The following CACNB4 variants were observed in gnomAD, a reference collection of about 807,000 sequenced individuals.
CACNB4 encodes voltage-dependent L-type calcium channel subunit beta-4.
In CACNB4, 32 loss-of-function variants were observed where a neutral mutation model predicts 71.2. That is an observed-to-expected ratio of 0.45 (90% CI 0.34 to 0.60). The LOEUF is 0.60. CACNB4 is among the 20% of genes least tolerant of loss of function. CACNB4 has a pLI of 0.01. For synonymous variants in CACNB4, 231 were observed against 236.9 expected (o/e 0.97, Z 0.23); for missense variants, 464 against 647.9 (o/e 0.72, Z 3.08).
chr2:151,888,237 G>A (rs1173495033), intron 2 of CACNB4, among the ~76,000 whole-genome samples: 1 of 152,058 alleles, frequency 6.6e-6, no homozygotes, highest in Non-Finnish European at 1.5e-5. Flanking sequence ...TTACAGCAAG[G>A]AGAAGCAAGG....
chr2:151,927,911 G>A (rs1278418268), intron 2 of CACNB4, among the ~76,000 whole-genome samples: 1 of 152,196 alleles, frequency 6.6e-6, no homozygotes, highest in Admixed American at 6.5e-5. Context: ...CTTCTTTCTT[G>A]AGAGTCAAAC....
At chr2:151,964,500 TC>T (rs2099870545) in intron 2 of CACNB4, among the ~76,000 whole-genome samples, 1 of 152,162 alleles carries the variant, frequency 6.6e-6, no homozygotes, top group Admixed American at 6.5e-5. Context: ...TAAAGATTTT[TC>T]CCCCAAATAT....
chr2:151,854,570 T>C (rs1162431527), intron 11 of CACNB4: 1 of 152,218 alleles, frequency 6.6e-6, no homozygotes, highest in East Asian at 1.9e-4. Context: ...CCATTTCACG[T>C]TAACTTTTTA....
chr2:151,987,301 T>C (rs1681427021), intron 2 of CACNB4, among the ~76,000 whole-genome samples: 1 of 152,186 alleles, frequency 6.6e-6, no homozygotes, highest in Admixed American at 6.5e-5. Flanking sequence ...TGATATTCTT[T>C]ACAGTATACT....
At chr2:152,064,403 C>A (rs545471259) in intron 2 of CACNB4, among the ~76,000 whole-genome samples, 2 of 152,300 alleles carry the variant, frequency 1.3e-5, no homozygotes, top group Admixed American at 6.5e-5. Context: ...ATTTTTGAGA[C>A]GGAGTCTCGC....
chr2:152,090,472 G>T (rs898459675), intron 2 of CACNB4, among the ~76,000 whole-genome samples: 1 of 152,010 alleles, frequency 6.6e-6, no homozygotes, highest in African/African-American at 2.4e-5. Context: ...TGACCAACAT[G>T]GTCTTGTCTA....
chr2:151,926,457 A>C (rs2099860292), intron 2 of CACNB4, among the ~76,000 whole-genome samples: 1 of 152,200 alleles, frequency 6.6e-6, no homozygotes. Flanking sequence ...GAGAAGTAGA[A>C]GGCAGGGAAT....
At chr2:151,997,641 G>A (rs1469847383) in intron 2 of CACNB4, among the ~76,000 whole-genome samples, 1 of 152,172 alleles carries the variant, frequency 6.6e-6, no homozygotes, top group African/African-American at 2.4e-5. Flanking sequence ...AGAAGTCACG[G>A]AATGCTAACG....
chr2:151,890,790 C>G (rs1390625435), intron 2 of CACNB4, among the ~76,000 whole-genome samples: 2 of 152,184 alleles, frequency 1.3e-5, no homozygotes, highest in Non-Finnish European at 2.9e-5. Flanking sequence ...GACATGTTCA[C>G]TATTTCTGCA....
At chr2:151,878,966 C>T (rs1025860795) in intron 4 of CACNB4, among the ~76,000 whole-genome samples, 4 of 152,074 alleles carry the variant, frequency 2.6e-5, no homozygotes, top group Non-Finnish European at 2.9e-5. Context: ...TGATATAAAA[C>T]CTTGAACAAT....
intron 12 of CACNB4, among the ~76,000 whole-genome samples, chr2:151,842,989 C>T (rs1578423074): frequency 6.6e-6 from 1 of 152,170 alleles, no homozygotes; most frequent in Non-Finnish European, 1.5e-5. Context: ...AACCACATGG[C>T]AGTGGTTTCT....
chr2:151,878,014 A>T (rs2099846877), intron 4 of CACNB4, among the ~76,000 whole-genome samples: 1 of 152,144 alleles, frequency 6.6e-6, no homozygotes, highest in South Asian at 2.1e-4. Flanking sequence ...TCTATTGTTT[A>T]AACTCTCTGG....
intron 2 of CACNB4, among the ~76,000 whole-genome samples, chr2:151,994,828 GAC>G: frequency 6.6e-6 from 1 of 150,620 alleles, no homozygotes; most frequent in Non-Finnish European, 1.5e-5. Flanking sequence ...TTTCTTTAGA[GAC>G]AGAGTCTTGC....
At chr2:151,949,213 T>G (rs1273225664) in intron 2 of CACNB4, among the ~76,000 whole-genome samples, 3 of 148,284 alleles carry the variant, frequency 2.0e-5, no homozygotes, top group Non-Finnish European at 4.5e-5. Context: ...AAAAAAAAAG[T>G]GCCATCCTGA....
intron 2 of CACNB4, among the ~76,000 whole-genome samples, chr2:152,056,206 C>CA (rs1313437932): frequency 1.3e-5 from 2 of 151,778 alleles, no homozygotes; most frequent in South Asian, 4.2e-4. Flanking sequence ...ACTAAAAATA[C>CA]AAAAAATTAG....
intron 2 of CACNB4, among the ~76,000 whole-genome samples, chr2:152,003,005 C>G (rs1205682700): frequency 6.6e-6 from 1 of 152,230 alleles, no homozygotes; most frequent in Non-Finnish European, 1.5e-5. Flanking sequence ...CAATGAACAT[C>G]ATGCAAAGCA....
intron 9 of CACNB4, among the ~76,000 whole-genome samples, chr2:151,862,112 C>T (rs2099841895): frequency 6.6e-6 from 1 of 152,176 alleles, no homozygotes; most frequent in South Asian, 2.1e-4. Flanking sequence ...CACCCCTCCC[C>T]TTTTATACTC....
rs139617252 is a variant in CACNB4 at position 151,841,143 on chromosome 2, C to T, written c.1302+760G>A. 4.1e-3 allele frequency among the ~76,000 whole-genome samples: 623 copies of T among 152,292 alleles called. 3 individuals are homozygous for T. Among genetic ancestry groups the T allele is most frequent in the African/African-American group, 0.013 (555 of 41,558 alleles). The stretch of plus-strand genomic sequence containing the variant: ...TGAACAGAGCAGCTCTACTTATATC[C>T]ACATTGTCTTGTGCAAGGTAGAGAG... On this transcript the variant is annotated intron_variant, in intron 13 of 13. Coordinates refer to ENST00000539935, the MANE Select transcript of CACNB4 (RefSeq NM_000726.5).
intron 2 of CACNB4, among the ~76,000 whole-genome samples, chr2:151,948,432 G>C (rs527327419): frequency 6.6e-6 from 1 of 152,268 alleles, no homozygotes; most frequent in East Asian, 1.9e-4. Flanking sequence ...GGCCAAGGAG[G>C]GTGGATTGGT....
Sources: gnomAD v4.1 joint callset for allele counts (sites outside exome capture counted in the v4.1 genomes callset) on GRCh38, gnomAD v4.1.1 for gene constraint, MANE v1.5 for transcripts, NCBI Gene and HGNC (gene_info 2026-07-23, HGNC 2026-07-21) for gene names.